The following NID1 variants were observed in gnomAD, a reference collection of about 807,000 sequenced individuals.
NID1 encodes nidogen 1, also known as nidogen-1.
A neutral mutation model predicts 130.6 loss-of-function variants in NID1; 76 were observed. The observed-to-expected ratio is 0.58, with a 90% confidence interval of 0.48 to 0.70. NID1 has a LOEUF of 0.70. Among genes scored for constraint, NID1 ranks in the 30% least tolerant of loss-of-function variants. The pLI is 0.00. For missense variants in NID1, 1,517 were observed against 1,664.8 expected (o/e 0.91, Z 1.54); for synonymous variants, 665 against 675.1 (o/e 0.98, Z 0.23).
intron 4 of NID1, among the ~76,000 whole-genome samples, chr1:236,041,208 C>T (rs754827317): frequency 2.6e-5 from 4 of 152,104 alleles, no homozygotes; most frequent in Non-Finnish European, 4.4e-5. Context: ...GCTAGGACTA[C>T]AGGCGTGTGT....
chr1:235,983,545 G>A (rs1180452439), intron 15 of NID1, among the ~76,000 whole-genome samples: 6 of 152,224 alleles, frequency 3.9e-5, no homozygotes, highest in Admixed American at 1.3e-4. Flanking sequence ...TCAGATATAC[G>A]CAAATAAAAC....
In NID1 at chr1:236,013,463, G is replaced by A; in HGVS notation, c.2352C>T (p.Ser784=). 6.2e-7 allele frequency: 1 copy of A among 1,614,144 alleles called. No individual in the cohort carries two copies. Among genetic ancestry groups the A allele is most frequent in the Non-Finnish European group, 8.5e-7 (1 of 1,180,032 alleles). ...RAQCIYTGGS[S]YTCSCLPGFS... is the part of the protein sequence containing the mutation. ...AGCCTGGCAAGCAGGAACAGGTGTA[G>A]GAGGAGCCTCCTGTGTAGATACACT... Residue 784 remains serine (S), a synonymous_variant, in exon 11 of 20, where the codon TCC becomes TCT. Coordinates refer to ENST00000264187, the MANE Select transcript of NID1 (RefSeq NM_002508.3).
intron 1 of NID1, among the ~76,000 whole-genome samples, chr1:236,056,353 T>C (rs1226531523): frequency 6.6e-6 from 1 of 152,228 alleles, no homozygotes; most frequent in Non-Finnish European, 1.5e-5. Flanking sequence ...TTTGTATTGA[T>C]GCATCATATT....
intron 1 of NID1, among the ~76,000 whole-genome samples, chr1:236,052,357 C>T (rs899984008): frequency 2.3e-4 from 35 of 152,282 alleles, no homozygotes; most frequent in African/African-American, 8.4e-4. Flanking sequence ...GGCACTCAGG[C>T]AGGAGGAGGC....
intron 14 of NID1, 25 bp downstream of exon 14, chr1:235,990,861 C>G (rs1308199939): frequency 1.9e-6 from 3 of 1,613,064 alleles, no homozygotes; most frequent in Non-Finnish European, 2.5e-6. Context: ...GGAGCTGTCA[C>G]CAGGTATAAT....
intron 16 of NID1, 52 bp downstream of exon 16, chr1:235,981,559 A>C: frequency 6.4e-7 from 1 of 1,556,972 alleles, no homozygotes; most frequent in Non-Finnish European, 8.7e-7. Context: ...AGAATCTCTA[A>C]AAGGGCAGAT....
At chr1:236,052,420 A>C (rs1014151983) in intron 1 of NID1, among the ~76,000 whole-genome samples, 8 of 152,184 alleles carry the variant, frequency 5.3e-5, no homozygotes, top group Non-Finnish European at 1.2e-4. Flanking sequence ...CCTCGGGCCC[A>C]TGTGACCACT....
At chr1:236,017,380 C>A in intron 9 of NID1, 107 bp from the exon 10 acceptor site, 2 of 1,272,434 alleles carry the variant, frequency 1.6e-6, no homozygotes, top group Non-Finnish European at 1.1e-6. Context: ...AATTTTAAAA[C>A]AAAATTTTCT....
Position 236,029,624 on chromosome 1 carries a change from C to T in NID1, c.1664G>A (p.Arg555His), listed in dbSNP as rs577488913. 156 of 1,608,480 alleles carry T rather than the reference C, an allele frequency of 9.7e-5. 4 individuals carry two copies. In the South Asian group the frequency reaches 1.0e-3, roughly 10 times the overall value. ...HLTIDTELEG[R>H]VPQIPFGSSV... ...GGAGCCGAACGGAATCTGCGGCACG[C>T]GGCCCTCCAGCTCCGTGTCGATGGT... Residue 555 changes from arginine to histidine, a missense_variant, in exon 7 of 20, where the codon CGC (arginine) becomes CAC (histidine). Transcript: ENST00000264187.
chr1:236,062,303 T>C (rs771278042), intron 1 of NID1, among the ~76,000 whole-genome samples: 1 of 152,206 alleles, frequency 6.6e-6, no homozygotes, highest in South Asian at 2.1e-4. Flanking sequence ...AAGAGAATGA[T>C]AATCTTTTAA....
intron 14 of NID1, among the ~76,000 whole-genome samples, chr1:235,989,997 G>A (rs1657683669): frequency 6.6e-6 from 1 of 152,250 alleles, no homozygotes; most frequent in East Asian, 1.9e-4. Flanking sequence ...TTTATTCTGA[G>A]TGAAGAGGCA....
chr1:236,010,713 TA>T (rs1658386530), intron 12 of NID1, among the ~76,000 whole-genome samples: 1 of 152,234 alleles, frequency 6.6e-6, no homozygotes, highest in South Asian at 2.1e-4. Context: ...TGTGTTCCAA[TA>T]AAACTTTATT....
chr1:236,055,955 C>T (rs1206121930), intron 1 of NID1, among the ~76,000 whole-genome samples: 4 of 151,972 alleles, frequency 2.6e-5, no homozygotes, highest in Non-Finnish European at 4.4e-5. Flanking sequence ...GATAGATCAA[C>T]GGGACAGAAC....
At chr1:236,039,324 C>T (rs2102837867) in intron 4 of NID1, among the ~76,000 whole-genome samples, 1 of 151,528 alleles carries the variant, frequency 6.6e-6, no homozygotes, top group East Asian at 1.9e-4. Context: ...TTTTATCCTC[C>T]TTCCTCTGCC....
At chr1:236,032,225 A>G (rs1037490858) in intron 6 of NID1, among the ~76,000 whole-genome samples, 176 bp downstream of exon 6, 3 of 152,122 alleles carry the variant, frequency 2.0e-5, no homozygotes, top group Non-Finnish European at 4.4e-5. Flanking sequence ...TGTTCATTTT[A>G]CCTCATCATC....
intron 10 of NID1, 73 bp downstream of exon 10, chr1:236,017,075 G>A: frequency 6.3e-7 from 1 of 1,598,770 alleles, no homozygotes; most frequent in Non-Finnish European, 8.6e-7. Context: ...TTTTACCTGG[G>A]ACCAGAACTT....
At chr1:236,053,053 G>A (rs1021067265) in intron 1 of NID1, among the ~76,000 whole-genome samples, 4 of 152,222 alleles carry the variant, frequency 2.6e-5, no homozygotes, top group East Asian at 1.9e-4. Context: ...TTTGAACTTC[G>A]TGGGTCAGAA....
intron 1 of NID1, among the ~76,000 whole-genome samples, chr1:236,063,990 G>T (rs1368311119): frequency 6.6e-6 from 1 of 152,232 alleles, no homozygotes. Context: ...CGGGAGCACA[G>T]CCATTTCACG....
intron 11 of NID1, among the ~76,000 whole-genome samples, chr1:236,012,390 C>G (rs1212796830): frequency 6.6e-6 from 1 of 151,914 alleles, no homozygotes; most frequent in Non-Finnish European, 1.5e-5. Flanking sequence ...AACCCTGTTT[C>G]TACTAAAAAT....
Sources: gnomAD v4.1 joint callset for allele counts (sites outside exome capture counted in the v4.1 genomes callset) on GRCh38, gnomAD v4.1.1 for gene constraint, MANE v1.5 for transcripts, NCBI Gene and HGNC (gene_info 2026-07-23, HGNC 2026-07-21) for gene names.